RABGEF1: variants seen among roughly 807,000 people sequenced by gnomAD.
The protein encoded by RABGEF1 is RAB guanine nucleotide exchange factor 1, also known as rab5 GDP/GTP exchange factor.
Under a neutral mutation model 57.3 loss-of-function variants are expected in RABGEF1, and 26 were observed. The ratio of observed to expected loss-of-function variants is 0.45; its 90% CI spans 0.33 to 0.63. The LOEUF is 0.63. RABGEF1 is among the 20% of genes least tolerant of loss of function. RABGEF1 has a pLI of 0.02. For synonymous variants in RABGEF1, 185 were observed against 210.7 expected (o/e 0.88, Z 1.06); for missense variants, 464 against 607.6 (o/e 0.76, Z 2.48).
chr7:66,702,409 A>G (rs1793433440), intron 1 of RABGEF1, among the ~76,000 whole-genome samples: 1 of 138,958 alleles, frequency 7.2e-6, no homozygotes, highest in Non-Finnish European at 1.5e-5. Flanking sequence ...TTAGGGTCTG[A>G]CTTTTGGGTA....
chr7:66,713,144 C>CTTTTTT (rs575223946), intron 2 of RABGEF1, among the ~76,000 whole-genome samples: 1 of 137,892 alleles, frequency 7.3e-6, no homozygotes, highest in Non-Finnish European at 1.6e-5. Flanking sequence ...CTTTTCTTTT[C>CTTTTTT]TTTTTTTTTT....
chr7:66,796,866 C>T (rs1358060803), intron 5 of RABGEF1: 7 of 438,126 alleles, frequency 1.6e-5, no homozygotes, highest in East Asian at 1.4e-4. Flanking sequence ...GCTGGGAATA[C>T]AGGAGTAGAG....
intron 1 of RABGEF1, among the ~76,000 whole-genome samples, chr7:66,694,710 T>C (rs560509666): frequency 1.2e-4 from 18 of 151,964 alleles, no homozygotes; most frequent in African/African-American, 4.3e-4. Context: ...AGTCGGAATC[T>C]CGTGGATTGG....
intron 1 of RABGEF1, among the ~76,000 whole-genome samples, chr7:66,761,430 T>C (rs1381496006): frequency 1.3e-5 from 2 of 152,184 alleles, no homozygotes; most frequent in South Asian, 2.1e-4. Context: ...TTTACTGGTT[T>C]ATTATAACAG....
chr7:66,666,699 G>T, the RABGEF1 span, among the ~76,000 whole-genome samples: 1 of 152,220 alleles, frequency 6.6e-6, no homozygotes, highest in African/African-American at 2.4e-5. Flanking sequence ...CAACACCCTT[G>T]CTCTTTATCT....
chr7:66,811,040 T>C lies in RABGEF1; in HGVS notation c.*1756T>C, dbSNP rs1263531907. On this transcript the variant is annotated 3_prime_UTR_variant, in exon 9 of 9. Coordinates refer to ENST00000284957, the MANE Select transcript of RABGEF1 (RefSeq NM_014504.3). ...TAGAATAACCTGGGCCCAAGTGATT[T>C]TAGTACAAAACTTGCCCTTCTTTGG... 1 of 152,208 alleles carries C rather than the reference T, an allele frequency of 6.6e-6. No individual in the cohort carries two copies. Among genetic ancestry groups the C allele is most frequent in the Non-Finnish European group, 1.5e-5 (1 of 68,040 alleles). The allele number at this position is 152,208 out of a possible 1,614,324, so 9.4% of individuals were successfully genotyped here.
intron 3 of RABGEF1, among the ~76,000 whole-genome samples, chr7:66,781,861 G>A (rs564246941): frequency 2.6e-5 from 4 of 152,322 alleles, no homozygotes; most frequent in East Asian, 1.9e-4. Context: ...CCTGTGCCAA[G>A]ACTTTAAAAC....
the RABGEF1 span, among the ~76,000 whole-genome samples, chr7:66,663,259 G>A: frequency 6.6e-6 from 1 of 152,134 alleles, no homozygotes; most frequent in African/African-American, 2.4e-5. Context: ...ATAAATATGT[G>A]GGTAAATCTC....
the RABGEF1 span, chr7:66,654,629 A>G: frequency 6.6e-6 from 1 of 152,466 alleles, no homozygotes; most frequent in African/African-American, 2.4e-5. Flanking sequence ...CGGGCGAGGT[A>G]CGGAACGGAC....
At chr7:66,705,707 G>GT (rs1207988086) in intron 1 of RABGEF1, among the ~76,000 whole-genome samples, 250 of 134,954 alleles carry the variant, frequency 1.9e-3, no homozygotes, top group South Asian at 3.1e-3. Flanking sequence ...TTTTTTTTTT[G>GT]TTTTTTTTTG....
intron 1 of RABGEF1, among the ~76,000 whole-genome samples, chr7:66,744,885 T>C (rs1303711991): frequency 6.6e-6 from 1 of 152,000 alleles, no homozygotes; most frequent in African/African-American, 2.4e-5. Flanking sequence ...TTTTTGTTGC[T>C]GGTTTTCAGT....
chr7:66,749,732 G>T (rs572359548), intron 1 of RABGEF1, among the ~76,000 whole-genome samples: 5 of 152,270 alleles, frequency 3.3e-5, no homozygotes, highest in African/African-American at 1.2e-4. Flanking sequence ...AGCACTTTGG[G>T]AGGCCAAGGC....
chr7:66,780,837 C>T (rs1809723173), intron 3 of RABGEF1, among the ~76,000 whole-genome samples: 1 of 152,090 alleles, frequency 6.6e-6, no homozygotes, highest in Non-Finnish European at 1.5e-5. Flanking sequence ...AAGTTTACTT[C>T]GTCTAACATT....
chr7:66,681,726 A>G (rs189217716), upstream of RABGEF1, among the ~76,000 whole-genome samples: 3 of 152,196 alleles, frequency 2.0e-5, no homozygotes, highest in African/African-American at 7.2e-5. Flanking sequence ...AACACCTGTC[A>G]CATCCTAGGA....
In RABGEF1 at chr7:66,805,282, C is replaced by T; in HGVS notation, c.963C>T (p.Tyr321=). 6.2e-7 allele frequency: 1 copy of T among 1,614,204 alleles called. No individual in the cohort carries two copies. Residue 321 remains tyrosine, a synonymous_variant, in exon 8 of 9, where the codon TAC becomes TAT. Transcript: ENST00000284957. ...ATGACTTCCTCCCCACCCTCATCTA[C>T]ATTGTTTTGAAGGGCAACCCCCCAC... ...SADDFLPTLI[Y]IVLKGNPPRL...
intron 2 of RABGEF1, among the ~76,000 whole-genome samples, chr7:66,712,396 A>G (rs552822755): frequency 5.3e-5 from 8 of 152,356 alleles, no homozygotes; most frequent in Middle Eastern, 6.8e-3. Context: ...TGTTGCTAGC[A>G]CATAAATACA....
chr7:66,675,757 A>C, the RABGEF1 span, among the ~76,000 whole-genome samples: 1 of 152,194 alleles, frequency 6.6e-6, no homozygotes, highest in Non-Finnish European at 1.5e-5. Flanking sequence ...AACACACACA[A>C]AAATTAGTTG....
At chr7:66,714,487 G>A (rs1273183046) in intron 2 of RABGEF1, among the ~76,000 whole-genome samples, 1 of 152,006 alleles carries the variant, frequency 6.6e-6, no homozygotes, top group African/African-American at 2.4e-5. Flanking sequence ...TTTGGCTAGA[G>A]GTTTGGGAAT....
Position 66,734,498 on chromosome 7 carries a change from G to A in RABGEF1, c.-814-5498G>A, listed in dbSNP as rs1040071894. On this transcript the variant is annotated intron_variant and NMD_transcript_variant, in intron 2 of 9. Coordinates refer to the RABGEF1 transcript ENST00000607882. The stretch of plus-strand genomic sequence containing the variant: ...TTTAGTAGAGATGGGGTTTTGCTAT[G>A]TTGGCCAGGCTGGTCTTGAATGCCT... Among the ~76,000 whole-genome samples, 8 of 151,968 alleles carry A rather than the reference G, an allele frequency of 5.3e-5. 1 individual carries two copies. Among genetic ancestry groups the A allele is most frequent in the African/African-American group, 1.9e-4 (8 of 41,384 alleles).
Sources: allele counts gnomAD v4.1 joint callset (sites outside exome capture counted in the v4.1 genomes callset), GRCh38; gene constraint gnomAD v4.1.1; transcripts MANE v1.5; gene names NCBI Gene and HGNC (gene_info 2026-07-23, HGNC 2026-07-21).